INPP5A: variants seen among roughly 807,000 people sequenced by gnomAD.
The protein encoded by INPP5A is inositol polyphosphate-5-phosphatase A, also known as 43 kDa inositol polyphosphate 5-phophatase.
Under a neutral mutation model 65.2 loss-of-function variants are expected in INPP5A, and 14 were observed. That is an observed-to-expected ratio of 0.21 (90% CI 0.14 to 0.34). The LOEUF (loss-of-function observed/expected upper bound fraction) is 0.34, where lower values mean the gene tolerates loss of function less well. Among genes scored for constraint, INPP5A ranks in the 10% least tolerant of loss-of-function variants. The probability of loss-of-function intolerance (pLI) is 1.00; values close to 1 mark genes in which losing one functional copy is unlikely to be tolerated. For missense variants in INPP5A, 431 were observed against 545.6 expected (o/e 0.79, Z 2.09); for synonymous variants, 207 against 208.3 (o/e 0.99, Z 0.05).
At chr10:132,748,058 T>A (rs113301135) in intron 9 of INPP5A, among the ~76,000 whole-genome samples, 3,479 of 152,044 alleles carry the variant, frequency 0.023, 118 homozygotes, top group African/African-American at 0.078. Context: ...TGCAAAAAAA[T>A]TTTTTTTATT....
intron 11 of INPP5A, among the ~76,000 whole-genome samples, 166 bp from the exon 12 acceptor site, chr10:132,765,607 C>T (rs1241808308): frequency 6.6e-6 from 1 of 152,262 alleles, no homozygotes; most frequent in Non-Finnish European, 1.5e-5. Flanking sequence ...GGCAGGCGAA[C>T]ACCAGAGCCT....
intron 4 of INPP5A, among the ~76,000 whole-genome samples, chr10:132,684,840 C>A (rs2073094588): frequency 6.6e-6 from 1 of 152,170 alleles, no homozygotes; most frequent in African/African-American, 2.4e-5. Flanking sequence ...TTTCGTGCCC[C>A]TGGGCTCCTG....
intron 9 of INPP5A, among the ~76,000 whole-genome samples, chr10:132,732,750 G>A (rs964526389): frequency 3.9e-5 from 6 of 152,174 alleles, no homozygotes; most frequent in Admixed American, 3.9e-4. Flanking sequence ...TCAGTGCTGC[G>A]TGGCACCTCC....
intron 2 of INPP5A, among the ~76,000 whole-genome samples, chr10:132,612,234 C>A (rs990857751): frequency 4.8e-5 from 2 of 41,472 alleles, no homozygotes; most frequent in African/African-American, 2.0e-4. Flanking sequence ...GAGGCCCTGT[C>A]GGGAGGGTGT....
intron 9 of INPP5A, among the ~76,000 whole-genome samples, chr10:132,740,423 C>T (rs1278864445): frequency 6.6e-6 from 1 of 152,140 alleles, no homozygotes; most frequent in African/African-American, 2.4e-5. Flanking sequence ...GGTGTAGTGG[C>T]GCGGCATCCG....
chr10:132,581,845 CT>C (rs915378828), intron 1 of INPP5A, among the ~76,000 whole-genome samples: 7 of 148,046 alleles, frequency 4.7e-5, no homozygotes, highest in East Asian at 2.0e-4. Context: ...TGTTCATTTT[CT>C]TTTTTTTTTG....
intron 12 of INPP5A, among the ~76,000 whole-genome samples, chr10:132,768,968 G>A (rs968561738): frequency 1.3e-5 from 2 of 152,248 alleles, no homozygotes; most frequent in African/African-American, 4.8e-5. Flanking sequence ...CCCGCGGGCA[G>A]TAGACCCTCC....
intron 4 of INPP5A, among the ~76,000 whole-genome samples, chr10:132,671,625 G>T (rs556279187): frequency 6.6e-5 from 10 of 152,336 alleles, no homozygotes; most frequent in South Asian, 2.1e-4. Context: ...GGCTCCTCCA[G>T]CATGGGAAGG....
intron 4 of INPP5A, among the ~76,000 whole-genome samples, chr10:132,653,293 G>A (rs939244973): frequency 6.6e-6 from 1 of 152,032 alleles, no homozygotes; most frequent in Non-Finnish European, 1.5e-5. Flanking sequence ...CTCCACACCT[G>A]GCTACCTTCT....
intron 13 of INPP5A, 43 bp from the exon 14 acceptor site, chr10:132,780,806 T>A: frequency 6.5e-7 from 1 of 1,534,324 alleles, no homozygotes; most frequent in Non-Finnish European, 9.0e-7. Flanking sequence ...GGACCCAGGG[T>A]GCCCCACCTC....
intron 1 of INPP5A, among the ~76,000 whole-genome samples, chr10:132,557,244 C>T (rs555380770): frequency 2.0e-5 from 3 of 152,324 alleles, no homozygotes; most frequent in Admixed American, 6.5e-5. Context: ...GCTGAGGCAC[C>T]CTCGCCCGGG....
intron 2 of INPP5A, among the ~76,000 whole-genome samples, chr10:132,639,854 A>G (rs2072403797): frequency 6.6e-6 from 1 of 152,066 alleles, no homozygotes; most frequent in African/African-American, 2.4e-5. Context: ...TCATTTTACC[A>G]TTGAGTTCTT....
chr10:132,692,590 C>A (rs1440742023), intron 5 of INPP5A, among the ~76,000 whole-genome samples: 3 of 152,128 alleles, frequency 2.0e-5, no homozygotes, highest in African/African-American at 7.2e-5. Flanking sequence ...TGTAAAGGAA[C>A]AAGGATAACA....
intron 8 of INPP5A, among the ~76,000 whole-genome samples, chr10:132,719,829 C>T (rs1382383836): frequency 2.0e-5 from 3 of 147,612 alleles, no homozygotes; most frequent in East Asian, 2.1e-4. Context: ...GCACCTTAGA[C>T]GACTGTCTTC....
At chr10:132,566,492 C>T (rs568063995) in intron 1 of INPP5A, among the ~76,000 whole-genome samples, 1 of 152,176 alleles carries the variant, frequency 6.6e-6, no homozygotes, top group Non-Finnish European at 1.5e-5. Flanking sequence ...GCTTAGGACC[C>T]AATAGCAAAT....
rs551948581 is a variant in INPP5A at position 132,572,573 on chromosome 10, GGTGGGGATGTGCC to G, written c.75+34405_75+34417del. On this transcript the variant is annotated intron_variant, in intron 1 of 15. Transcript: ENST00000368594. ...TGAAGCAGCGTGACCCAGGGCTCTT[GGTGGGGATGTGCC>G]GTTTGCTCTTTTTCATGTGTCTAGC... Among the ~76,000 whole-genome samples, 522 of 152,278 alleles carry G rather than the reference GGTGGGGATGTGCC, an allele frequency of 3.4e-3. 6 individuals are homozygous for G. Among genetic ancestry groups the G allele is most frequent in the Non-Finnish European group, 5.8e-3 (396 of 68,012 alleles).
At chr10:132,628,295 C>G (rs1005928930) in intron 2 of INPP5A, among the ~76,000 whole-genome samples, 13 of 151,704 alleles carry the variant, frequency 8.6e-5, no homozygotes, top group Admixed American at 6.5e-5. Flanking sequence ...CTCACCGTGC[C>G]CCGCTTCCTC....
intron 1 of INPP5A, among the ~76,000 whole-genome samples, chr10:132,606,894 C>T (rs2071861848): frequency 6.6e-6 from 1 of 152,244 alleles, no homozygotes. Flanking sequence ...GTGTGCAGTT[C>T]CTTAGTGCTA....
At chr10:132,742,244 C>T (rs1846287869) in intron 9 of INPP5A, among the ~76,000 whole-genome samples, 2 of 152,258 alleles carry the variant, frequency 1.3e-5, no homozygotes, top group Admixed American at 1.3e-4. Flanking sequence ...CAGAGTCCCA[C>T]CCCAAGAACA....
Sources: allele counts gnomAD v4.1 joint callset (sites outside exome capture counted in the v4.1 genomes callset), GRCh38; gene constraint gnomAD v4.1.1; transcripts MANE v1.5; gene names NCBI Gene and HGNC (gene_info 2026-07-23, HGNC 2026-07-21).